ASH1L: variants seen among roughly 807,000 people sequenced by gnomAD.
The protein encoded by ASH1L is ASH1 like histone lysine methyltransferase.
A neutral mutation model predicts 269.0 loss-of-function variants in ASH1L; 23 were observed. That is an observed-to-expected ratio of 0.09 (90% CI 0.06 to 0.12). The LOEUF (loss-of-function observed/expected upper bound fraction) is 0.12, where lower values mean the gene tolerates loss of function less well. Among genes scored for constraint, ASH1L ranks in the 10% least tolerant of loss-of-function variants. The pLI is 1.00. For missense variants in ASH1L, 2,912 were observed against 3,567.8 expected, an observed-to-expected ratio of 0.82 and a Z score of 4.68; for synonymous variants, 1,187 against 1,253.5, an observed-to-expected ratio of 0.95 and a Z score of 1.12.
chr1:155,445,482 G>C (rs1186933601), intron 4 of ASH1L, among the ~76,000 whole-genome samples: 1 of 151,820 alleles, frequency 6.6e-6, no homozygotes, highest in Admixed American at 6.6e-5. Context: ...ACTACACCTG[G>C]TCTAAATTTC....
At chr1:155,457,057 G>A (rs2148666425) in intron 4 of ASH1L, among the ~76,000 whole-genome samples, 1 of 152,252 alleles carries the variant, frequency 6.6e-6, no homozygotes, top group African/African-American at 2.4e-5. Context: ...CAAGGTACAG[G>A]TTCTCTGTTA....
intron 7 of ASH1L, among the ~76,000 whole-genome samples, chr1:155,380,718 C>T (rs112509944): frequency 0.01 from 1,541 of 151,842 alleles, 39 homozygotes; most frequent in African/African-American, 0.036. Context: ...GTAACCTCCG[C>T]CTCCTGGGTT....
intron 3 of ASH1L, among the ~76,000 whole-genome samples, chr1:155,464,779 T>C (rs943210931): frequency 6.6e-6 from 1 of 152,152 alleles, no homozygotes; most frequent in African/African-American, 2.4e-5. Flanking sequence ...TGGCCAGTAT[T>C]TGATGAACTT....
chr1:155,520,703 A>C (rs1668826676), intron 2 of ASH1L, among the ~76,000 whole-genome samples: 1 of 151,958 alleles, frequency 6.6e-6, no homozygotes. Context: ...TCTCTACTAA[A>C]AACACAAAAT....
chr1:155,438,835 A>G lies in ASH1L; in HGVS notation c.5320T>C (p.Ser1774Pro). The change falls in exon 5 of 28, where the codon TCT becomes CCT. Residue 1774 changes from serine to proline, a missense_variant. Coordinates refer to ENST00000392403, the MANE Select transcript of ASH1L (RefSeq NM_018489.3). ...SLLVPAVTSD[S>P]CNNSISLLSE... The stretch of plus-strand genomic sequence containing the variant: ...AGGAGTGAGATGCTATTATTGCAAG[A>G]GTCACTTGTGACTGCAGGCACTAAA... 6.2e-7 allele frequency: 1 copy of G among 1,614,208 alleles called. No individual in the cohort carries two copies. The highest frequency in any genetic ancestry group is 8.5e-7 in the Non-Finnish European group (1 of 1,180,024).
At chr1:155,415,473 A>G (rs1660134761) in intron 6 of ASH1L, among the ~76,000 whole-genome samples, 1 of 152,098 alleles carries the variant, frequency 6.6e-6, no homozygotes, top group African/African-American at 2.4e-5. Flanking sequence ...CAGAAAGACA[A>G]TTAGTCTCAT....
At chr1:155,499,994 T>G (rs1239474561) in intron 2 of ASH1L, among the ~76,000 whole-genome samples, 1 of 152,196 alleles carries the variant, frequency 6.6e-6, no homozygotes, top group Non-Finnish European at 1.5e-5. Flanking sequence ...CAGTACTGAT[T>G]AGGGAAGTTC....
rs1558014137 is a variant in ASH1L at position 155,343,770 on chromosome 1, C to CTT, written c.7982-29_7982-28insAA. The CTT allele has an allele frequency of 3.1e-6, 5 of 1,608,896 alleles. No individual in the cohort carries two copies. The highest frequency in any genetic ancestry group is 3.3e-4 in the Middle Eastern group (2 of 6,024). ...AGGAAGACCCAGAACACAGAAGAAA[C>CTT]ATAAAACAATTCTTGTATGAATTCT... On this transcript the variant is annotated intron_variant, in intron 22 of 27. Coordinates refer to ENST00000392403, the MANE Select transcript of ASH1L (RefSeq NM_018489.3). This position sits in a 1 kb window ranked among gnomAD's most constrained non-coding sequence, Gnocchi z 6.1.
Position 155,438,408 on chromosome 1 carries a change from CT to C in ASH1L, c.5746del (p.Arg1916GlufsTer93). The part of the protein sequence containing the change: ...LNPEHKKGLK[R>X]KGWLLEEQTR... ...CTGTTCTTCCAATAGCCAACCTTTT[CT>C]CTTCAACCCCTTTTTATGTTCTGGG... is the stretch of plus-strand genomic sequence containing the variant. On this transcript the variant is annotated frameshift_variant, in exon 5 of 28. Coordinates refer to ENST00000392403, the MANE Select transcript of ASH1L (RefSeq NM_018489.3). LOFTEE classifies it high-confidence loss of function. The C allele has an allele frequency of 1.2e-6, 2 of 1,611,478 alleles. No individual in the cohort carries two copies. Among genetic ancestry groups the C allele is most frequent in the Non-Finnish European group, 1.7e-6 (2 of 1,179,328 alleles).
chr1:155,373,295 C>CT (rs571372193), intron 10 of ASH1L, among the ~76,000 whole-genome samples: 1 of 150,104 alleles, frequency 6.7e-6, no homozygotes, highest in Non-Finnish European at 1.5e-5. Context: ...GCTTTCTTTA[C>CT]TTTTTTTTTG....
chr1:155,381,533 G>C (rs1001754378), intron 7 of ASH1L, among the ~76,000 whole-genome samples: 3 of 150,596 alleles, frequency 2.0e-5, no homozygotes, highest in African/African-American at 7.3e-5. Flanking sequence ...CTGGACAATA[G>C]TGCGAGACTC....
In ASH1L at chr1:155,370,678, C is replaced by T. The variant is rs373645698; in HGVS notation, c.6540-28G>A. On this transcript the variant is annotated intron_variant, in intron 11 of 27. Coordinates refer to ENST00000392403, the MANE Select transcript of ASH1L (RefSeq NM_018489.3). ...AAAGAGAAGATAAATGATTGAAAGACAATTAAAGAGTAGCTGAAAGTAAAT... is the reference window on the plus strand; with the variant it reads ...AAAGAGAAGATAAATGATTGAAAGATAATTAAAGAGTAGCTGAAAGTAAAT... 8 of 1,612,806 alleles carry T rather than the reference C, an allele frequency of 5.0e-6. No individual in the cohort carries two copies. In the African/African-American group the frequency reaches 9.3e-5, roughly 19 times the overall value.
chr1:155,410,323 A>C (rs1286684818), intron 6 of ASH1L, among the ~76,000 whole-genome samples: 1 of 151,946 alleles, frequency 6.6e-6, no homozygotes, highest in Non-Finnish European at 1.5e-5. Flanking sequence ...TTTATTTCTG[A>C]GACAGAGTTT....
chr1:155,383,191 T>TA (rs1326820400), intron 7 of ASH1L, among the ~76,000 whole-genome samples: 1 of 152,190 alleles, frequency 6.6e-6, no homozygotes, highest in Non-Finnish European at 1.5e-5. Context: ...GTTTATAAAG[T>TA]AAAAAAGCTA....
intron 2 of ASH1L, among the ~76,000 whole-genome samples, chr1:155,485,438 A>G (rs1224912465): frequency 1.3e-5 from 2 of 152,216 alleles, no homozygotes; most frequent in Non-Finnish European, 2.9e-5. Flanking sequence ...CCCCCCGCTC[A>G]GCCTTCTGAG....
Position 155,355,999 on chromosome 1 carries a change from G to A in ASH1L, c.7055+1317C>T, listed in dbSNP as rs188944417. Among the ~76,000 whole-genome samples, 107 of 150,738 alleles carry A rather than the reference G, an allele frequency of 7.1e-4. No individual in the cohort carries two copies. The East Asian group carries it at 8.9e-3, about 13-fold the overall frequency. On this transcript the variant is annotated intron_variant, in intron 15 of 27. Coordinates refer to ENST00000392403, the MANE Select transcript of ASH1L (RefSeq NM_018489.3). ...GCTGCCCAGGCTAGAGTGCAATGGC[G>A]TGATCTTGGTTCACTGCAACCTCCA...
At chr1:155,355,557 C>T (rs1654301495) in intron 15 of ASH1L, among the ~76,000 whole-genome samples, 1 of 152,194 alleles carries the variant, frequency 6.6e-6, no homozygotes, top group Non-Finnish European at 1.5e-5. Context: ...CCCTGGGAGA[C>T]TTTAAAAACT....
intron 15 of ASH1L, among the ~76,000 whole-genome samples, chr1:155,355,242 G>T (rs1488723407): frequency 6.6e-6 from 1 of 152,322 alleles, no homozygotes; most frequent in East Asian, 1.9e-4. Context: ...GTAGAGACGG[G>T]GTTTCCCCAT....
At chr1:155,528,146 T>C (rs1027731187) in intron 1 of ASH1L, among the ~76,000 whole-genome samples, 26 of 152,012 alleles carry the variant, frequency 1.7e-4, no homozygotes, top group African/African-American at 6.0e-4. Context: ...GATTGTGTAA[T>C]AGATAGGCAC....
Sources: allele counts gnomAD v4.1 joint callset (sites outside exome capture counted in the v4.1 genomes callset), GRCh38; gene constraint gnomAD v4.1.1; non-coding constraint Gnocchi (gnomAD v3.1); transcripts MANE v1.5; gene names NCBI Gene and HGNC (gene_info 2026-07-23, HGNC 2026-07-21).